The following CCNJL variants were observed in gnomAD, a reference collection of about 807,000 sequenced individuals.
CCNJL encodes the protein cyclin J like, also known as cyclin-J-like protein.
A neutral mutation model predicts 33.4 loss-of-function variants in CCNJL; 33 were observed. The ratio of observed to expected loss-of-function variants is 0.99; its 90% CI spans 0.75 to 1.32. The LOEUF (loss-of-function observed/expected upper bound fraction) is 1.32. Ranked by LOEUF, CCNJL falls within the 40% of genes most tolerant of loss-of-function variation. The pLI is 0.00. For missense variants in CCNJL, 512 were observed against 499.7 expected, an observed-to-expected ratio of 1.02 and a Z score of -0.23; for synonymous variants, 227 against 220.9, an observed-to-expected ratio of 1.03 and a Z score of -0.24.
At chr5:160,254,487 C>G (rs761861521) in intron 5 of CCNJL, 5 of 470,592 alleles carry the variant, frequency 1.1e-5, no homozygotes, top group African/African-American at 2.0e-5. Flanking sequence ...ATAAGGCCTA[C>G]GGAGTAGGAC....
intron 2 of CCNJL, among the ~76,000 whole-genome samples, chr5:160,283,423 G>A (rs1433828971): frequency 1.3e-5 from 2 of 152,142 alleles, no homozygotes; most frequent in Admixed American, 1.3e-4. Context: ...TTAGATAGTG[G>A]TGATGATTGT....
At chr5:160,299,114 G>T (rs1346259204) in intron 2 of CCNJL, among the ~76,000 whole-genome samples, 1 of 152,122 alleles carries the variant, frequency 6.6e-6, no homozygotes, top group East Asian at 1.9e-4. Flanking sequence ...AAGTAGTTGG[G>T]ATTACAGGTG....
upstream of CCNJL, among the ~76,000 whole-genome samples, chr5:160,315,045 T>C (rs1763363655): frequency 6.6e-6 from 1 of 152,204 alleles, no homozygotes; most frequent in East Asian, 1.9e-4. Flanking sequence ...ATTTCAAAGG[T>C]GTTTCATCAA....
chr5:160,277,555 C>T (rs775168289), intron 3 of CCNJL, among the ~76,000 whole-genome samples: 8 of 152,118 alleles, frequency 5.3e-5, no homozygotes, highest in East Asian at 1.9e-4. Flanking sequence ...AGGTAGGAGA[C>T]GCAAACAATG....
At chr5:160,318,708 G>A (rs950498586) in intron 1 of CCNJL, among the ~76,000 whole-genome samples, 7 of 152,298 alleles carry the variant, frequency 4.6e-5, no homozygotes, top group African/African-American at 7.2e-5. Flanking sequence ...TGCATGTATC[G>A]AGAGTGAAAT....
At chr5:160,262,872 T>C (rs1165217498) in intron 3 of CCNJL, among the ~76,000 whole-genome samples, 1 of 152,240 alleles carries the variant, frequency 6.6e-6, no homozygotes, top group African/African-American at 2.4e-5. Flanking sequence ...TCCCCAGCGC[T>C]GCCACCACCA....
chr5:160,273,364 C>T (rs895102200), intron 3 of CCNJL, among the ~76,000 whole-genome samples: 2 of 152,184 alleles, frequency 1.3e-5, no homozygotes, highest in African/African-American at 2.4e-5. Context: ...CTTTTTTCTA[C>T]AAGGCACATC....
At chr5:160,286,917 G>C (rs964940675) in intron 2 of CCNJL, among the ~76,000 whole-genome samples, 1 of 152,070 alleles carries the variant, frequency 6.6e-6, no homozygotes, top group African/African-American at 2.4e-5. Context: ...TTCTCTTTGT[G>C]GCCGAAAATT....
chr5:160,293,119 T>C (rs1478760988), intron 2 of CCNJL, among the ~76,000 whole-genome samples: 1 of 152,208 alleles, frequency 6.6e-6, no homozygotes, highest in African/African-American at 2.4e-5. Flanking sequence ...TGTATTTTCC[T>C]TTCAAAATAA....
chr5:160,262,586 G>A (rs902178555), intron 3 of CCNJL, among the ~76,000 whole-genome samples: 1 of 152,198 alleles, frequency 6.6e-6, no homozygotes, highest in African/African-American at 2.4e-5. Context: ...CAAGCCCCCG[G>A]CACACAGAAT....
At chr5:160,329,628 T>C (rs536509307) in intron 1 of CCNJL, among the ~76,000 whole-genome samples, 11 of 152,192 alleles carry the variant, frequency 7.2e-5, no homozygotes, top group African/African-American at 1.9e-4. Flanking sequence ...GGATTACAGG[T>C]GTGAGCCACT....
upstream of CCNJL, among the ~76,000 whole-genome samples, chr5:160,316,670 A>G (rs1763383986): frequency 6.6e-6 from 1 of 152,190 alleles, no homozygotes; most frequent in African/African-American, 2.4e-5. Flanking sequence ...CAGTGTAGAC[A>G]TTCATGCCTT....
chr5:160,306,882 G>T (rs1763112194), intron 2 of CCNJL, among the ~76,000 whole-genome samples: 1 of 152,194 alleles, frequency 6.6e-6, no homozygotes, highest in Non-Finnish European at 1.5e-5. Context: ...CTGTACTTTG[G>T]TCCAGGCCAG....
chr5:160,285,241 C>CT, intron 2 of CCNJL, among the ~76,000 whole-genome samples: 2 of 152,308 alleles, frequency 1.3e-5, no homozygotes, highest in Middle Eastern at 6.8e-3. Context: ...AGCTTAACTT[C>CT]TTTAAGGAAA....
chr5:160,327,559 A>G (rs1204414074), intron 1 of CCNJL, among the ~76,000 whole-genome samples: 1 of 152,250 alleles, frequency 6.6e-6, no homozygotes, highest in African/African-American at 2.4e-5. Context: ...TCAGGCAAGC[A>G]CAACCTGGAA....
intron 3 of CCNJL, among the ~76,000 whole-genome samples, chr5:160,263,435 C>T (rs1761435063): frequency 1.3e-5 from 2 of 152,206 alleles, no homozygotes; most frequent in African/African-American, 4.8e-5. Context: ...GAGTCTATTA[C>T]CGCTGAAGTC....
intron 2 of CCNJL, among the ~76,000 whole-genome samples, chr5:160,287,000 A>T (rs1473892888): frequency 6.6e-6 from 1 of 152,126 alleles, no homozygotes; most frequent in Non-Finnish European, 1.5e-5. Context: ...ATAAATACAG[A>T]GTCACTCCCT....
At chr5:160,328,439 G>A (rs1252056833) in intron 1 of CCNJL, among the ~76,000 whole-genome samples, 1 of 152,102 alleles carries the variant, frequency 6.6e-6, no homozygotes, top group Non-Finnish European at 1.5e-5. Context: ...AAGAGAAATA[G>A]ATGATTTGGG....
At chr5:160,254,550 C>G in intron 5 of CCNJL, 1 of 432,370 alleles carries the variant, frequency 2.3e-6, no homozygotes, top group African/African-American at 2.0e-5. Flanking sequence ...CTTCCCACAT[C>G]GGGGAGGGCT....
Sources: allele counts gnomAD v4.1 joint callset (sites outside exome capture counted in the v4.1 genomes callset), GRCh38; gene constraint gnomAD v4.1.1; transcripts MANE v1.5; gene names NCBI Gene and HGNC (gene_info 2026-07-23, HGNC 2026-07-21).